Variants in COQ3 observed in about 807,000 individuals in gnomAD.
COQ3 encodes coenzyme Q3, methyltransferase.
Under a neutral mutation model 33.1 loss-of-function variants are expected in COQ3, and 29 were observed. That is an observed-to-expected ratio of 0.88 (90% CI 0.65 to 1.19). The LOEUF (loss-of-function observed/expected upper bound fraction) is 1.19, where lower values mean the gene tolerates loss of function less well. Among genes scored for constraint, COQ3 ranks in the 50% most tolerant of loss-of-function variants. COQ3 has a pLI of 0.00. For synonymous variants in COQ3, 173 were observed against 157.8 expected, an observed-to-expected ratio of 1.10 and a Z score of -0.72; for missense variants, 437 against 430.7, an observed-to-expected ratio of 1.01 and a Z score of -0.13.
intron 1 of COQ3, among the ~76,000 whole-genome samples, 173 bp downstream of exon 1, chr6:99,393,901 G>A (rs1177904372): frequency 6.6e-6 from 1 of 152,192 alleles, no homozygotes; most frequent in African/African-American, 2.4e-5. Flanking sequence ...GTCCGCCAAC[G>A]GGACTATGCG....
intron 3 of COQ3, among the ~76,000 whole-genome samples, chr6:99,378,432 G>A (rs373020094): frequency 1.3e-5 from 2 of 151,808 alleles, no homozygotes; most frequent in Admixed American, 1.3e-4. Flanking sequence ...ACTTTCCTTC[G>A]ATGGGTTCTA....
At chr6:99,372,938 C>T (rs952657797) in intron 5 of COQ3, among the ~76,000 whole-genome samples, 16 of 152,100 alleles carry the variant, frequency 1.1e-4, no homozygotes, top group Non-Finnish European at 1.9e-4. Flanking sequence ...TCTTAGATAC[C>T]ACTCTATGCC....
At chr6:99,374,945 T>C (rs934652023) in intron 5 of COQ3, among the ~76,000 whole-genome samples, 4 of 152,288 alleles carry the variant, frequency 2.6e-5, no homozygotes, top group Non-Finnish European at 4.4e-5. Flanking sequence ...CTAATAATTA[T>C]TTTTATTGAT....
At chr6:99,370,753 A>AT (rs1421898417) in intron 6 of COQ3, among the ~76,000 whole-genome samples, 1 of 152,154 alleles carries the variant, frequency 6.6e-6, no homozygotes, top group African/African-American at 2.4e-5. Context: ...ATAGACTTAT[A>AT]TGAAAAAAAA....
chr6:99,394,020 G>A (rs1403420388), intron 1 of COQ3, 54 bp downstream of exon 1: 77 of 1,467,812 alleles, frequency 5.2e-5, no homozygotes, highest in Non-Finnish European at 3.2e-5. Flanking sequence ...CATGCGCAGA[G>A]ACGCCAGCGC....
intron 4 of COQ3, 96 bp from the exon 5 acceptor site, chr6:99,376,278 G>T: frequency 7.7e-7 from 1 of 1,302,674 alleles, no homozygotes; most frequent in Non-Finnish European, 1.1e-6. Flanking sequence ...TTAACCATGA[G>T]GTGATAAATA....
In COQ3 at chr6:99,385,725, T is replaced by C. The variant is rs1448885569; in HGVS notation, c.107-1901A>G. ...GCTCACACCTGTAATCCCAGCACTTTGGGCACTTTGGGAGGCCGAGGCAGG... is the reference window on the plus strand; with the variant it reads ...GCTCACACCTGTAATCCCAGCACTTCGGGCACTTTGGGAGGCCGAGGCAGG... On this transcript the variant is annotated intron_variant, in intron 1 of 6. Transcript: ENST00000254759. 2.0e-5 allele frequency among the ~76,000 whole-genome samples: 3 copies of C among 151,890 alleles called. No homozygotes were observed. The East Asian group carries it at 5.8e-4, about 29-fold the overall frequency.
chr6:99,371,175 T>C (rs949249167), intron 6 of COQ3, among the ~76,000 whole-genome samples: 1 of 152,120 alleles, frequency 6.6e-6, no homozygotes, highest in Non-Finnish European at 1.5e-5. Flanking sequence ...GAGGACTAAA[T>C]AGCCAAAAAG....
chr6:99,375,874 A>C, intron 5 of COQ3, 66 bp downstream of exon 5: 1 of 1,565,588 alleles, frequency 6.4e-7, no homozygotes, highest in Admixed American at 1.7e-5. Flanking sequence ...GGACCATTTT[A>C]TTGCTATAGA....
chr6:99,375,323 T>C (rs1774252841), intron 5 of COQ3, among the ~76,000 whole-genome samples: 4 of 152,014 alleles, frequency 2.6e-5, no homozygotes, highest in South Asian at 4.1e-4. Flanking sequence ...TAATCCCGAC[T>C]GCACCAGTGG....
chr6:99,383,557 G>A, intron 2 of COQ3, 141 bp downstream of exon 2: 1 of 568,016 alleles, frequency 1.8e-6, no homozygotes, highest in Non-Finnish European at 2.8e-6. Context: ...AAATAAATTA[G>A]TTGAGACTAC....
chr6:99,377,339 T>G (rs1414380402), intron 4 of COQ3, 47 bp downstream of exon 4: 1 of 1,320,082 alleles, frequency 7.6e-7, no homozygotes, highest in Non-Finnish European at 1.1e-6. Flanking sequence ...AGTCTACTTC[T>G]TAATTTTTTT....
chr6:99,372,637 C>T (rs190853232), intron 5 of COQ3, among the ~76,000 whole-genome samples: 166 of 152,198 alleles, frequency 1.1e-3, no homozygotes, highest in Non-Finnish European at 1.7e-3. Flanking sequence ...AGGCTGGTCT[C>T]GAACTCCTGA....
chr6:99,388,216 G>C (rs1447745369), intron 1 of COQ3, among the ~76,000 whole-genome samples: 1 of 151,828 alleles, frequency 6.6e-6, no homozygotes, highest in Non-Finnish European at 1.5e-5. Context: ...AGATTACAAA[G>C]GCAACACAAA....
intron 5 of COQ3, 75 bp downstream of exon 5, chr6:99,375,865 G>A: frequency 2.6e-6 from 4 of 1,521,620 alleles, no homozygotes; most frequent in Non-Finnish European, 3.6e-6. Context: ...ATGCATTATG[G>A]ACCATTTTAT....
In COQ3 at chr6:99,380,193, T is replaced by C. The variant is rs1454025569; in HGVS notation, c.382A>G (p.Ile128Val). 2 of 1,613,174 alleles carry C rather than the reference T, an allele frequency of 1.2e-6. No individual in the cohort carries two copies. Among genetic ancestry groups the C allele is most frequent in the Non-Finnish European group, 8.5e-7 (1 of 1,179,466 alleles). Reference sequence around the variant, plus strand: ...TTAGAGTTTCTGGAGTGTTACCTAATAAATGGCACCCTCAGGTCATTCATG... The same window carrying C: ...TTAGAGTTTCTGGAGTGTTACCTAACAAATGGCACCCTCAGGTCATTCATG... ...HSMNDLRVPFIRDNLLKTIPN... is the reference protein window; with the variant it reads ...HSMNDLRVPFVRDNLLKTIPN... The change falls in exon 3 of 7, where the codon ATT (isoleucine) becomes GTT (valine). Residue 128 changes from isoleucine to valine, a missense_variant. Transcript: ENST00000254759.
At chr6:99,387,959 G>C (rs1774701257) in intron 1 of COQ3, among the ~76,000 whole-genome samples, 1 of 152,152 alleles carries the variant, frequency 6.6e-6, no homozygotes, top group South Asian at 2.1e-4. Context: ...GAGGTTGGGA[G>C]TTCGAGACCA....
At chr6:99,382,317 A>G (rs1774496256) in intron 2 of COQ3, among the ~76,000 whole-genome samples, 1 of 152,226 alleles carries the variant, frequency 6.6e-6, no homozygotes, top group African/African-American at 2.4e-5. Flanking sequence ...TATAGTATAG[A>G]AAAATCCTTC....
rs189755342 is a variant in COQ3, at chr6:99,391,206, C to G, written c.106+2868G>C. Among the ~76,000 whole-genome samples, 262 of 151,762 alleles carry G rather than the reference C, an allele frequency of 1.7e-3. 1 individual carries two copies. Among genetic ancestry groups the G allele is most frequent in the African/African-American group, 6.1e-3 (252 of 41,360 alleles). The stretch of plus-strand genomic sequence containing the variant: ...CTCTACCTCCTGGGCTCAAGTAATC[C>G]TCCTACCTTAGCCTATCCAGTAGCG... On this transcript the variant is annotated intron_variant, in intron 1 of 6. Coordinates refer to ENST00000254759, the MANE Select transcript of COQ3 (RefSeq NM_017421.4).
Sources: gnomAD v4.1 joint callset for allele counts (sites outside exome capture counted in the v4.1 genomes callset) on GRCh38, gnomAD v4.1.1 for gene constraint, MANE v1.5 for transcripts, NCBI Gene and HGNC (gene_info 2026-07-23, HGNC 2026-07-21) for gene names.